CCDC7: variants seen among roughly 807,000 people sequenced by gnomAD.
CCDC7 encodes coiled-coil domain-containing protein 7.
Under a neutral mutation model 196.9 loss-of-function variants are expected in CCDC7, and 183 were observed. The ratio of observed to expected loss-of-function variants is 0.93; its 90% CI spans 0.82 to 1.05. The LOEUF is 1.05. CCDC7 is among the 50% of genes least tolerant of loss of function. CCDC7 has a pLI of 0.00. For synonymous variants in CCDC7, 525 were observed against 484.6 expected (o/e 1.08, Z -1.10); for missense variants, 1,540 against 1,482.2 (o/e 1.04, Z -0.64).
At position 32,633,696 on chromosome 10, in the gene CCDC7, A is replaced by ATATATGTGTGTGTGTGTG. The variant is rs779341941; in HGVS notation, c.1802-557_1802-556insATATGTGTGTGTGTGTGT. 8.9e-5 allele frequency among the ~76,000 whole-genome samples: 12 copies of ATATATGTGTGTGTGTGTG among 135,230 alleles called. No individual in the cohort carries two copies. The East Asian group carries it at 1.3e-3, about 15-fold the overall frequency. The allele number at this position is 135,230 out of a possible 152,430, so 88.7% of individuals were successfully genotyped here. ...TTTAGCTTTGTGTATATATATATAT[A>ATATATGTGTGTGTGTGTG]TGTGTGTGTGTGTGTGTGTGTGTGT... On this transcript the variant is annotated intron_variant, in intron 18 of 41. Coordinates refer to ENST00000639629, the Ensembl canonical transcript of CCDC7.
At chr10:32,691,109 G>A (rs2077028792) in intron 23 of CCDC7, among the ~76,000 whole-genome samples, 1 of 152,096 alleles carries the variant, frequency 6.6e-6, no homozygotes, top group Admixed American at 6.5e-5. Flanking sequence ...ATTACCACTG[G>A]TAACATGGGG....
At chr10:32,511,745 G>T (rs2046244570) in intron 9 of CCDC7, 9 of 1,558,930 alleles carry the variant, frequency 5.8e-6, no homozygotes, top group Middle Eastern at 2.3e-4. Context: ...TGCCGTTATG[G>T]CTGACTCACG....
At chr10:32,527,044 C>T (rs1462232167) in intron 11 of CCDC7, among the ~76,000 whole-genome samples, 1 of 152,170 alleles carries the variant, frequency 6.6e-6, no homozygotes, top group African/African-American at 2.4e-5. Context: ...CAGAGCCCTT[C>T]AGTCCATGAT....
At chr10:32,606,983 T>G (rs1264553906) in intron 18 of CCDC7, among the ~76,000 whole-genome samples, 1 of 152,200 alleles carries the variant, frequency 6.6e-6, no homozygotes, top group African/African-American at 2.4e-5. Flanking sequence ...AACATCATGT[T>G]GAAACGTAAA....
At chr10:32,459,030 G>T (rs899613304) in intron 3 of CCDC7, among the ~76,000 whole-genome samples, 1 of 151,494 alleles carries the variant, frequency 6.6e-6, no homozygotes, top group African/African-American at 2.4e-5. Flanking sequence ...TTATTTCTAG[G>T]TATCTTATAT....
At chr10:32,713,506 T>G (rs1187579749) in intron 25 of CCDC7, among the ~76,000 whole-genome samples, 1 of 152,246 alleles carries the variant, frequency 6.6e-6, no homozygotes, top group East Asian at 1.9e-4. Context: ...CCACAATGTA[T>G]CACTCTAAAT....
chr10:32,455,661 G>A (rs944485596), intron 2 of CCDC7, among the ~76,000 whole-genome samples: 4 of 152,146 alleles, frequency 2.6e-5, no homozygotes, highest in Non-Finnish European at 5.9e-5. Context: ...TCTTCATGGA[G>A]AACCACTCTA....
chr10:32,475,064 T>C (rs1419094252), intron 8 of CCDC7, among the ~76,000 whole-genome samples: 3 of 152,128 alleles, frequency 2.0e-5, no homozygotes, highest in African/African-American at 4.8e-5. Context: ...AACTTAGGAG[T>C]AGATAGTGAA....
At chr10:32,762,633 A>T (rs904497641) in intron 28 of CCDC7, among the ~76,000 whole-genome samples, 1 of 151,662 alleles carries the variant, frequency 6.6e-6, no homozygotes, top group Non-Finnish European at 1.5e-5. Flanking sequence ...AATATTTTTA[A>T]AAAACAACTA....
chr10:32,854,018 T>C (rs140564152), intron 40 of CCDC7, among the ~76,000 whole-genome samples: 41 of 152,288 alleles, frequency 2.7e-4, no homozygotes, highest in Admixed American at 2.5e-3. Flanking sequence ...AGGCAGTTTT[T>C]CAGCCCATGA....
chr10:32,790,374 C>A (rs903127149), intron 29 of CCDC7, among the ~76,000 whole-genome samples: 14 of 152,210 alleles, frequency 9.2e-5, no homozygotes, highest in East Asian at 7.7e-4. Flanking sequence ...GGAACTAACA[C>A]CACATAAACA....
Position 32,626,861 on chromosome 10 carries a change from A to G in CCDC7, c.1802-7393A>G, listed in dbSNP as rs576829725. 5.7e-4 allele frequency among the ~76,000 whole-genome samples: 86 copies of G among 152,014 alleles called. No homozygotes were observed. In the South Asian group the frequency reaches 0.018, roughly 31 times the overall value. ...CCTTTGTTGAAAATCAATTGGCTAT[A>G]TAGGCTGGGTTCATATCTGCATTTT... On this transcript the variant is annotated intron_variant, in intron 18 of 41. Coordinates refer to ENST00000639629, the Ensembl canonical transcript of CCDC7.
intron 13 of CCDC7, 130 bp from the exon 15 acceptor site, chr10:32,565,428 T>G (rs1391988101): frequency 1.6e-5 from 13 of 811,578 alleles, no homozygotes; most frequent in Admixed American, 3.0e-5. Flanking sequence ...ACTTGAGAGA[T>G]GTGCAGTTCA....
In CCDC7 at chr10:32,502,036, A is replaced by G. The variant is rs1039829768; in HGVS notation, c.872+10039A>G. The stretch of plus-strand genomic sequence containing the variant: ...CGGCTTTGTTTACACTGTAAGGTAA[A>G]ACCACCTACTCAAGCCTCAGCAATG... On this transcript the variant is annotated intron_variant, in intron 9 of 41. Coordinates refer to ENST00000639629, the Ensembl canonical transcript of CCDC7. Among the ~76,000 whole-genome samples the G allele has an allele frequency of 2.6e-4, 40 of 152,204 alleles. 1 individual carries two copies. The highest frequency in any genetic ancestry group is 9.4e-4 in the African/African-American group (39 of 41,538).
At chr10:32,672,546 G>A (rs1337327155) in intron 21 of CCDC7, among the ~76,000 whole-genome samples, 1 of 152,160 alleles carries the variant, frequency 6.6e-6, no homozygotes, top group Non-Finnish European at 1.5e-5. Flanking sequence ...TAACAGTGCT[G>A]ATTCTTGTTT....
chr10:32,448,102 T>C (rs950149704), upstream of CCDC7, among the ~76,000 whole-genome samples: 1 of 152,216 alleles, frequency 6.6e-6, no homozygotes, highest in African/African-American at 2.4e-5. Context: ...ATGCATTCAG[T>C]TAACTATAGT....
At chr10:32,543,445 T>A in intron 12 of CCDC7, 60 bp downstream of exon 13, 1 of 1,203,784 alleles carries the variant, frequency 8.3e-7, no homozygotes, top group South Asian at 2.3e-5. Flanking sequence ...TTTCTTTTTA[T>A]ACAAACAATT....
At chr10:32,719,594 T>A (rs1048464823) in intron 25 of CCDC7, among the ~76,000 whole-genome samples, 1 of 152,136 alleles carries the variant, frequency 6.6e-6, no homozygotes, top group Admixed American at 6.6e-5. Context: ...ACCTATAGAA[T>A]GGGAGAAAAT....
At chr10:32,706,383 G>A (rs562706138) in intron 24 of CCDC7, among the ~76,000 whole-genome samples, 1 of 152,116 alleles carries the variant, frequency 6.6e-6, no homozygotes, top group South Asian at 2.1e-4. Context: ...ATCTAAAATC[G>A]ATACCCTAAC....
Sources: allele counts gnomAD v4.1 joint callset (sites outside exome capture counted in the v4.1 genomes callset), GRCh38; gene constraint gnomAD v4.1.1; transcripts MANE v1.5; gene names NCBI Gene and HGNC (gene_info 2026-07-23, HGNC 2026-07-21).